Variants in CNTNAP2 observed in about 807,000 individuals in gnomAD.
CNTNAP2 encodes the protein contactin associated protein 2.
Under a neutral mutation model 155.2 loss-of-function variants are expected in CNTNAP2, and 98 were observed. That is an observed-to-expected ratio of 0.63 (90% CI 0.54 to 0.75). The LOEUF is 0.75. Ranked by LOEUF, CNTNAP2 falls within the 30% of genes least tolerant of loss-of-function variation. The pLI, the probability that CNTNAP2 is intolerant of heterozygous loss-of-function variation, is 0.00. For missense variants in CNTNAP2, 1,727 were observed against 1,688.1 expected (o/e 1.02, Z -0.40); for synonymous variants, 651 against 631.2 (o/e 1.03, Z -0.47).
chr7:146,897,434 A>AT (rs1217524480), intron 3 of CNTNAP2, among the ~76,000 whole-genome samples: 1 of 152,100 alleles, frequency 6.6e-6, no homozygotes, highest in Non-Finnish European at 1.5e-5. Flanking sequence ...AATTTAAAAT[A>AT]TTTTAAGACT....
chr7:147,538,793 TA>T (rs773520433), intron 11 of CNTNAP2, among the ~76,000 whole-genome samples: 215 of 152,182 alleles, frequency 1.4e-3, no homozygotes, highest in Non-Finnish European at 2.0e-3. Context: ...TTTTCCTGAG[TA>T]TTTTAACTTT....
chr7:146,876,834 A>G (rs577555599), intron 3 of CNTNAP2, among the ~76,000 whole-genome samples: 1 of 152,340 alleles, frequency 6.6e-6, no homozygotes, highest in South Asian at 2.1e-4. Flanking sequence ...TGGAAGGCTC[A>G]GAAAAGACTG....
chr7:146,382,821 G>T (rs779363608), intron 1 of CNTNAP2, among the ~76,000 whole-genome samples: 1 of 151,830 alleles, frequency 6.6e-6, no homozygotes, highest in Non-Finnish European at 1.5e-5. Context: ...GACTAACCGA[G>T]AAAAATGTAT....
intron 21 of CNTNAP2, among the ~76,000 whole-genome samples, chr7:148,281,296 A>G (rs1796970392): frequency 6.6e-6 from 1 of 152,376 alleles, no homozygotes; most frequent in African/African-American, 2.4e-5. Context: ...TCTCTCAAGG[A>G]AAGTCCCCGA....
chr7:146,359,814 G>A (rs756836104), intron 1 of CNTNAP2, among the ~76,000 whole-genome samples: 52 of 152,190 alleles, frequency 3.4e-4, no homozygotes, highest in Middle Eastern at 6.8e-3. Flanking sequence ...GCGTGCGTGC[G>A]CATGCATGTG....
intron 16 of CNTNAP2, among the ~76,000 whole-genome samples, chr7:148,139,291 A>C (rs549470488): frequency 6.6e-6 from 1 of 152,344 alleles, no homozygotes; most frequent in Admixed American, 6.5e-5. Flanking sequence ...TATGACTCTA[A>C]AAATCTCTAC....
At position 148,419,954 on chromosome 7, in the gene CNTNAP2, T is replaced by C. The variant is rs545098262; in HGVS notation, c.*4338T>C. 3.3e-5 allele frequency: 5 copies of C among 152,318 alleles called. No individual in the cohort carries two copies. The highest frequency in any genetic ancestry group is 1.3e-4 in the Admixed American group (2 of 15,296). 9.4% of individuals were successfully genotyped at this position (152,318 alleles called of 1,614,324 possible). A position where few individuals can be genotyped will look rare whatever the true frequency, so the allele number is the denominator to read the frequency against. On this transcript the variant is annotated 3_prime_UTR_variant, in exon 24 of 24. Coordinates refer to ENST00000361727, the MANE Select transcript of CNTNAP2 (RefSeq NM_014141.6). ...ATTGATTCTTGACTGCAAAATACCT[T>C]GAAACCCTTATATAAAGACTGAAGT...
At chr7:148,394,502 T>C (rs1237016118) in intron 22 of CNTNAP2, among the ~76,000 whole-genome samples, 1 of 152,242 alleles carries the variant, frequency 6.6e-6, no homozygotes, top group Non-Finnish European at 1.5e-5. Flanking sequence ...CACATTTGCT[T>C]TTCCCATGTG....
chr7:146,232,825 G>A (rs1799408657), intron 1 of CNTNAP2, among the ~76,000 whole-genome samples: 1 of 152,122 alleles, frequency 6.6e-6, no homozygotes, highest in Admixed American at 6.6e-5. Context: ...CAATGTCAAA[G>A]ACATTGACAT....
At chr7:148,175,337 T>G (rs1203212485) in intron 18 of CNTNAP2, among the ~76,000 whole-genome samples, 1 of 152,192 alleles carries the variant, frequency 6.6e-6, no homozygotes, top group Non-Finnish European at 1.5e-5. Context: ...GGAAGCCAAG[T>G]TCTTACCCCA....
chr7:147,108,367 A>C lies in CNTNAP2; in HGVS notation c.754+17A>C. 1 of 1,601,448 alleles carries C rather than the reference A, an allele frequency of 6.2e-7. No individual in the cohort carries two copies. On this transcript the variant is annotated intron_variant, in intron 5 of 23. Coordinates refer to ENST00000361727, the MANE Select transcript of CNTNAP2 (RefSeq NM_014141.6). ...TAAACTTAGGTGTGTTCTGACTGTC[A>C]GTTCTATTCTTTCCGTTATGGATGT...
chr7:147,622,271 C>T (rs1794872760), intron 12 of CNTNAP2, among the ~76,000 whole-genome samples: 2 of 151,984 alleles, frequency 1.3e-5, no homozygotes, highest in East Asian at 1.9e-4. Flanking sequence ...TTAATCTTCT[C>T]TTTAGACTGA....
At chr7:148,125,313 T>A (rs1804691085) in intron 16 of CNTNAP2, among the ~76,000 whole-genome samples, 1 of 152,102 alleles carries the variant, frequency 6.6e-6, no homozygotes, top group Non-Finnish European at 1.5e-5. Context: ...GTTATATTGG[T>A]AAATTGCATG....
chr7:147,028,310 C>CT (rs1798961606), intron 3 of CNTNAP2, among the ~76,000 whole-genome samples: 1 of 152,176 alleles, frequency 6.6e-6, no homozygotes, highest in Admixed American at 6.5e-5. Context: ...ATGAAATTGT[C>CT]TCTTCAAGAA....
At chr7:146,603,116 T>A (rs903534929) in intron 1 of CNTNAP2, among the ~76,000 whole-genome samples, 6 of 151,294 alleles carry the variant, frequency 4.0e-5, no homozygotes, top group East Asian at 3.9e-4. Flanking sequence ...ACATGTAAAT[T>A]TAAAATATTG....
At chr7:147,518,120 GTTAAAA>G (rs755828173) in intron 11 of CNTNAP2, among the ~76,000 whole-genome samples, 43 of 152,176 alleles carry the variant, frequency 2.8e-4, no homozygotes, top group Non-Finnish European at 5.0e-4. Flanking sequence ...GGTAGTTACT[GTTAAAA>G]TTAAGCATGA....
intron 1 of CNTNAP2, among the ~76,000 whole-genome samples, chr7:146,563,129 G>T (rs1798305341): frequency 6.6e-6 from 1 of 152,150 alleles, no homozygotes; most frequent in Non-Finnish European, 1.5e-5. Context: ...GATTAACTTT[G>T]CAGTTAAGTT....
chr7:147,269,624 G>A (rs1804694740), intron 8 of CNTNAP2, among the ~76,000 whole-genome samples: 1 of 152,182 alleles, frequency 6.6e-6, no homozygotes, highest in Admixed American at 6.5e-5. Context: ...TGATATTGCT[G>A]GAGGAGACAG....
chr7:148,261,305 C>T (rs941519063), intron 20 of CNTNAP2, among the ~76,000 whole-genome samples: 3 of 152,142 alleles, frequency 2.0e-5, no homozygotes, highest in Admixed American at 6.5e-5. Context: ...GGACCACAGG[C>T]GTGCACCACC....
Sources: allele counts gnomAD v4.1 joint callset (sites outside exome capture counted in the v4.1 genomes callset), GRCh38; gene constraint gnomAD v4.1.1; transcripts MANE v1.5; gene names NCBI Gene and HGNC (gene_info 2026-07-23, HGNC 2026-07-21).